Variants in SEMA3F observed in about 807,000 individuals in gnomAD.
SEMA3F encodes semaphorin-3F.
In SEMA3F, 30 loss-of-function variants were observed where a neutral mutation model predicts 98.5. The ratio of observed to expected loss-of-function variants is 0.30; its 90% confidence interval spans 0.23 to 0.41. The LOEUF (loss-of-function observed/expected upper bound fraction) is 0.41. SEMA3F is among the 10% of genes least tolerant of loss of function. The pLI, the probability that SEMA3F is intolerant of heterozygous loss-of-function variation, is 1.00. For missense variants in SEMA3F, 866 were observed against 1,119.3 expected, an observed-to-expected ratio of 0.77 and a Z score of 3.23; for synonymous variants, 380 against 444.8, an observed-to-expected ratio of 0.85 and a Z score of 1.83.
Position 50,187,919 on chromosome 3 carries a change from G to A in SEMA3F, c.2162G>A (p.Gly721Asp), listed in dbSNP as rs1224167239. Residue 721 changes from glycine (G) to aspartate (D), a missense_variant, in exon 19 of 19, where the codon GGC (glycine) becomes GAC (aspartate). Coordinates refer to ENST00000002829, the MANE Select transcript of SEMA3F (RefSeq NM_004186.5). ...AGCGCCCCGCCACCCCCAGGCGCAG[G>A]CCCCCCAACGCCTCCTTACCAGGAG... is the stretch of plus-strand genomic sequence containing the variant. ...SMSAPPPPGAGPPTPPYQELA... is the reference protein window; with the variant it reads ...SMSAPPPPGADPPTPPYQELA... 3 of 1,607,102 alleles carry A rather than the reference G, an allele frequency of 1.9e-6. No homozygotes were observed. Among genetic ancestry groups the A allele is most frequent in the Non-Finnish European group, 2.5e-6 (3 of 1,176,612 alleles).
At chr3:50,168,573 G>A (rs1205156874) in intron 2 of SEMA3F, among the ~76,000 whole-genome samples, 1 of 152,154 alleles carries the variant, frequency 6.6e-6, no homozygotes, top group Non-Finnish European at 1.5e-5. Flanking sequence ...AGCTTGGCTG[G>A]GGTTCCCGGG....
intron 2 of SEMA3F, among the ~76,000 whole-genome samples, chr3:50,169,431 G>A (rs891239274): frequency 4.6e-5 from 7 of 152,122 alleles, no homozygotes; most frequent in Admixed American, 2.0e-4. Flanking sequence ...GAATGGCTGC[G>A]GAAATGAGGT....
Position 50,158,504 on chromosome 3 carries a change from T to C in SEMA3F, c.-48-1071T>C, listed in dbSNP as rs1209099853. Among the ~76,000 whole-genome samples, 1 of 152,186 alleles carries C rather than the reference T, an allele frequency of 6.6e-6. No homozygotes were observed. Among genetic ancestry groups the C allele is most frequent in the Non-Finnish European group, 1.5e-5 (1 of 68,026 alleles). ...GCTTTGCCTCAGCATTGAGCAGCTA[T>C]GGCAGGGGAGTCCCAGGCCATAGTA... On this transcript the variant is annotated intron_variant, in intron 1 of 18. Coordinates refer to ENST00000002829, the MANE Select transcript of SEMA3F (RefSeq NM_004186.5). This position sits in a 1 kb window ranked among gnomAD's most constrained non-coding sequence, Gnocchi z 4.8.
chr3:50,181,248 T>G (rs571355977), intron 7 of SEMA3F, among the ~76,000 whole-genome samples: 1 of 152,116 alleles, frequency 6.6e-6, no homozygotes, highest in Non-Finnish European at 1.5e-5. Context: ...GGTGTGCATA[T>G]GCTTCCTAAT....
Position 50,188,161 on chromosome 3 carries a change from T to A in SEMA3F, c.*46T>A. ...CATGGGCCAGCCTAGCCCTTGTCCC[T>A]TTTAATATAAAAGATATATATATAT... is the stretch of plus-strand genomic sequence containing the variant. On this transcript the variant is annotated 3_prime_UTR_variant, in exon 19 of 19. Transcript: ENST00000002829. The surrounding 1 kb of genome is among the most constrained non-coding windows in gnomAD (Gnocchi z 4.5). 2 of 951,004 alleles carry A rather than the reference T, an allele frequency of 2.1e-6. No homozygotes were observed. The highest frequency in any genetic ancestry group is 2.8e-6 in the Non-Finnish European group (2 of 722,294). 58.9% of individuals were successfully genotyped at this position (951,004 alleles called of 1,614,324 possible). A position where few individuals can be genotyped will look rare whatever the true frequency, so the allele number is the denominator to read the frequency against.
intron 7 of SEMA3F, among the ~76,000 whole-genome samples, chr3:50,178,987 A>G (rs1229840559): frequency 1.3e-5 from 2 of 151,544 alleles, no homozygotes; most frequent in East Asian, 4.0e-4. Flanking sequence ...ACCCGCCACC[A>G]TACCCAGCTA....
chr3:50,159,872 G>A, intron 2 of SEMA3F, 138 bp downstream of exon 2: 1 of 647,338 alleles, frequency 1.5e-6, no homozygotes, highest in Non-Finnish European at 2.7e-6. Context: ...GGGGGAGAAG[G>A]GAGACCGGGG....
At chr3:50,181,706 C>T (rs112296316) in intron 7 of SEMA3F, among the ~76,000 whole-genome samples, 4,012 of 151,970 alleles carry the variant, frequency 0.026, 183 homozygotes, top group African/African-American at 0.092. Context: ...CTGCAACCTC[C>T]GCCTCCCTGG....
At chr3:50,170,216 C>T (rs1698552815) in intron 2 of SEMA3F, among the ~76,000 whole-genome samples, 1 of 152,120 alleles carries the variant, frequency 6.6e-6, no homozygotes, top group Non-Finnish European at 1.5e-5. Flanking sequence ...GAAGTTCCCA[C>T]CCCTCTCCAC....
Position 50,186,774 on chromosome 3 carries a change from G to A in SEMA3F, c.1947+28G>A, listed in dbSNP as rs373440946. On this transcript the variant is annotated intron_variant, in intron 18 of 18. Coordinates refer to ENST00000002829, the MANE Select transcript of SEMA3F (RefSeq NM_004186.5). ...GAGTTCCTGCGCCCGGTGCTGCACCGTGGATGTGAGTCCTTGCACAGTGGT... is the reference window on the plus strand; with the variant it reads ...GAGTTCCTGCGCCCGGTGCTGCACCATGGATGTGAGTCCTTGCACAGTGGT... 8.3e-6 allele frequency: 13 copies of A among 1,564,538 alleles called. 1 individual carries two copies. Among genetic ancestry groups the A allele is most frequent in the South Asian group, 4.6e-5 (4 of 86,950 alleles).
rs1189009669 is a variant in SEMA3F, at chr3:50,187,756, G to A, written c.1999G>A (p.Ala667Thr). 1 of 1,612,930 alleles carries A rather than the reference G, an allele frequency of 6.2e-7. No homozygotes were observed. The highest frequency in any genetic ancestry group is 8.5e-7 in the Non-Finnish European group (1 of 1,179,788). ...CACAGAGCAGGGCTTGTTGCTCCGTGCACTGCAGCTCAGCGATCGTGGCCT... is the reference window on the plus strand; with the variant it reads ...CACAGAGCAGGGCTTGTTGCTCCGTACACTGCAGCTCAGCGATCGTGGCCT... ...LRTEQGLLLR[A>T]LQLSDRGLYS... Residue 667 changes from alanine (A) to threonine (T), a missense_variant, in exon 19 of 19, where the codon GCA becomes ACA. By Grantham distance (58) the Ala-to-Thr change is moderately conservative. This residue lies in a region of SEMA3F where 245 missense variants were observed against 260.5 expected (regional missense o/e 0.94). Transcript: ENST00000002829.
At chr3:50,169,068 G>A (rs1698509462) in intron 2 of SEMA3F, among the ~76,000 whole-genome samples, 1 of 152,192 alleles carries the variant, frequency 6.6e-6, no homozygotes, top group South Asian at 2.1e-4. Context: ...GCTTTGTGGG[G>A]CTATAACCAA....
intron 2 of SEMA3F, among the ~76,000 whole-genome samples, chr3:50,173,015 T>G (rs1698671068): frequency 6.6e-6 from 1 of 152,130 alleles, no homozygotes; most frequent in Non-Finnish European, 1.5e-5. Context: ...CTACCGCCCT[T>G]TCATTGGGAC....
chr3:50,182,527 GT>G lies in SEMA3F; in HGVS notation c.764-114del, dbSNP rs1184259892. 1.5e-5 allele frequency: 24 copies of G among 1,575,954 alleles called. No individual in the cohort carries two copies. In the South Asian group the frequency reaches 2.7e-4, roughly 18 times the overall value. ...CCTATGACTACCTGGGGCAGGGGTA[GT>G]TTCTTATCTGGAGAGGAGTTGGGGG... On this transcript the variant is annotated intron_variant, in intron 8 of 18. Transcript: ENST00000002829. This position sits in a 1 kb window ranked among gnomAD's most constrained non-coding sequence, Gnocchi z 4.5.
chr3:50,168,397 C>T (rs1292357797), intron 2 of SEMA3F, among the ~76,000 whole-genome samples: 1 of 152,142 alleles, frequency 6.6e-6, no homozygotes, highest in African/African-American at 2.4e-5. Context: ...TGGTAAGTGC[C>T]CAAGAGTGGG....
At chr3:50,161,839 A>T (rs1445795042) in intron 2 of SEMA3F, among the ~76,000 whole-genome samples, 1 of 152,154 alleles carries the variant, frequency 6.6e-6, no homozygotes, top group Non-Finnish European at 1.5e-5. Flanking sequence ...ATCCCCCTAC[A>T]CTGGGTGGTC....
chr3:50,164,912 A>G (rs748893119), intron 2 of SEMA3F, among the ~76,000 whole-genome samples: 11 of 152,238 alleles, frequency 7.2e-5, no homozygotes, highest in Non-Finnish European at 1.5e-4. Flanking sequence ...CTGTGTGAGT[A>G]TGGTCACTGT....
intron 2 of SEMA3F, among the ~76,000 whole-genome samples, chr3:50,162,899 T>G (rs1391130952): frequency 6.6e-6 from 1 of 152,100 alleles, no homozygotes; most frequent in East Asian, 1.9e-4. Flanking sequence ...TCAGGAAAGA[T>G]GAACATAATC....
In SEMA3F at chr3:50,188,174, GAT is replaced by G. The variant is rs59949761; in HGVS notation, c.*83_*84del. ...AGCCCTTGTCCCTTTTAATATAAAA[GAT>G]ATATATATATATATATATATATAAA... is the stretch of plus-strand genomic sequence containing the variant. On this transcript the variant is annotated 3_prime_UTR_variant, in exon 19 of 19. Coordinates refer to ENST00000002829, the MANE Select transcript of SEMA3F (RefSeq NM_004186.5). The surrounding 1 kb of genome is among the most constrained non-coding windows in gnomAD (Gnocchi z 4.5). The G allele has an allele frequency of 0.016, 4,628 of 296,196 alleles. 21 individuals carry two copies. Among genetic ancestry groups the G allele is most frequent in the African/African-American group, 0.03 (1,295 of 43,518 alleles). 18.3% of individuals were successfully genotyped at this position (296,196 alleles called of 1,614,324 possible). A position where few individuals can be genotyped will look rare whatever the true frequency, so the allele number is the denominator to read the frequency against.
Sources: gnomAD v4.1 joint callset for allele counts (sites outside exome capture counted in the v4.1 genomes callset) on GRCh38, gnomAD v4.1.1 for gene constraint, gnomAD v4.1.1 regional missense constraint, Gnocchi (gnomAD v3.1) non-coding constraint, MANE v1.5 for transcripts, NCBI Gene and HGNC (gene_info 2026-07-23, HGNC 2026-07-21) for gene names.